The following FZD8 variants were observed in gnomAD, a reference collection of about 807,000 sequenced individuals.
FZD8 encodes the protein frizzled class receptor 8, also known as frizzled-8.
FZD8 carries 18 observed loss-of-function variants against 46.0 expected under a neutral mutation model. The ratio of observed to expected loss-of-function variants is 0.39; its 90% CI spans 0.27 to 0.58. The LOEUF is 0.58. Among genes scored for constraint, FZD8 ranks in the 20% least tolerant of loss-of-function variants. The pLI is 0.55. For missense variants in FZD8, 785 were observed against 983.4 expected (o/e 0.80, Z 2.70); for synonymous variants, 586 against 467.9 (o/e 1.25, Z -3.26).
Position 35,641,166 on chromosome 10 carries a change from C to A in FZD8, c.264G>T (p.Leu88=). 6.2e-7 allele frequency: 1 copy of A among 1,613,910 alleles called. No individual in the cohort carries two copies. The highest frequency in any genetic ancestry group is 8.5e-7 in the Non-Finnish European group (1 of 1,179,900). ...GGCAGATGGGCGTGTACATGCTGCACAGGAAGAACTTGAGATCGGGCGAGC... is the reference window on the plus strand; with the variant it reads ...GGCAGATGGGCGTGTACATGCTGCAAAGGAAGAACTTGAGATCGGGCGAGC... ...IQCSPDLKFF[L]CSMYTPICLE... Residue 88 remains leucine (L), a synonymous_variant, in exon 1 of 1, where the codon CTG becomes CTT. Coordinates refer to ENST00000374694, the MANE Select transcript of FZD8 (RefSeq NM_031866.3). This position sits in a 1 kb window ranked among gnomAD's most constrained non-coding sequence, Gnocchi z 6.3.
rs1835829677 is a variant in FZD8, at chr10:35,640,104, G to A, written c.1326C>T (p.His442=). The A allele has an allele frequency of 1.2e-6, 2 of 1,612,390 alleles. No homozygotes were observed. Among genetic ancestry groups the A allele is most frequent in the Admixed American group, 3.3e-5 (2 of 59,944 alleles). The change falls in exon 1 of 1, where the codon CAC becomes CAT. Residue 442 remains histidine (H), a synonymous_variant. Coordinates refer to ENST00000374694, the MANE Select transcript of FZD8 (RefSeq NM_031866.3). ...EAIAGYSQYF[H]LAAWLVPSVK... ...CGCTGGGCACAAGCCACGCGGCCAG[G>A]TGGAAGTACTGCGAGTAGCCGGCGA...
chr10:35,639,117 A>G lies in FZD8; in HGVS notation c.*228T>C. The G allele has an allele frequency of 5.6e-6, 1 of 179,508 alleles. No individual in the cohort carries two copies. Among genetic ancestry groups the G allele is most frequent in the East Asian group, 1.3e-4 (1 of 7,990 alleles). 11.1% of individuals were successfully genotyped at this position (179,508 alleles called of 1,614,324 possible). A position where few individuals can be genotyped will look rare whatever the true frequency, so the allele number is the denominator to read the frequency against. ...GCGTGGCGGGAGGAGCTCCCCGCAC[A>G]TCAATGGAGGAAAAGGGGCTGGGTC... On this transcript the variant is annotated 3_prime_UTR_variant, in exon 1 of 1. Transcript: ENST00000374694.
rs540410812 is a variant in FZD8 at position 35,640,862 on chromosome 10, G to T, written c.568C>A (p.Pro190Thr). 2.0e-6 allele frequency: 2 copies of T among 978,910 alleles called. No homozygotes were observed. The highest frequency in any genetic ancestry group is 4.6e-5 in the South Asian group (1 of 21,742). 60.6% of individuals were successfully genotyped at this position (978,910 alleles called of 1,614,324 possible). Residue 190 changes from proline (P) to threonine (T), a missense_variant, in exon 1 of 1, where the codon CCC (proline) becomes ACC (threonine). This residue lies in a region of FZD8 where 354 missense variants were observed against 433.2 expected (regional missense o/e 0.82). Coordinates refer to ENST00000374694, the MANE Select transcript of FZD8 (RefSeq NM_031866.3). ...CCCCTGCCGCCGCCGCGGTGCGGGG[G>T]CCTGGCCCCCGGCGGGCGGCCGTGG... Reference protein sequence around the residue: ...SGHGRPPGARPPHRGGGRGGG... With the variant: ...SGHGRPPGARTPHRGGGRGGG...
Position 35,639,630 on chromosome 10 carries a change from C to T in FZD8, c.1800G>A (p.Ser600=). 1.3e-6 allele frequency: 2 copies of T among 1,598,352 alleles called. No homozygotes were observed. Among genetic ancestry groups the T allele is most frequent in the South Asian group, 2.2e-5 (2 of 91,080 alleles). Residue 600 remains serine, a synonymous_variant, in exon 1 of 1, where the codon TCG becomes TCA. Coordinates refer to ENST00000374694, the MANE Select transcript of FZD8 (RefSeq NM_031866.3). ...TCTTGCCGGACCAGACCCACACGCC[C>T]GAGGTGATGCCCACCACTAGGCACA... is the stretch of plus-strand genomic sequence containing the variant. ...YFMCLVVGIT[S]GVWVWSGKTL... is the part of the protein sequence containing the mutation.
rs969183754 is a variant in FZD8, at chr10:35,641,695, C to T, written c.-266G>A. On this transcript the variant is annotated 5_prime_UTR_variant, in exon 1 of 1. Transcript: ENST00000374694. The surrounding 1 kb of genome is among the most constrained non-coding windows in gnomAD (Gnocchi z 6.3). ...GGCGGCTGCAGGCGCGCGCCACAGT[C>T]CGTAGGTCCGCTCTGCTGGCCCCGG... 4.9e-6 allele frequency: 2 copies of T among 408,422 alleles called. No homozygotes were observed. Among genetic ancestry groups the T allele is most frequent in the Non-Finnish European group, 8.8e-6 (2 of 228,298 alleles). 25.3% of individuals were successfully genotyped at this position (408,422 alleles called of 1,614,324 possible). A position where few individuals can be genotyped will look rare whatever the true frequency, so the allele number is the denominator to read the frequency against.
Position 35,641,184 on chromosome 10 carries a change from G to C in FZD8, c.246C>G (p.Pro82=), listed in dbSNP as rs1835854464. 2 of 1,613,912 alleles carry C rather than the reference G, an allele frequency of 1.2e-6. No homozygotes were observed. The highest frequency in any genetic ancestry group is 1.7e-6 in the Non-Finnish European group (2 of 1,179,858). Residue 82 remains proline, a synonymous_variant, in exon 1 of 1, where the codon CCC becomes CCG. Coordinates refer to ENST00000374694, the MANE Select transcript of FZD8 (RefSeq NM_031866.3). This position sits in a 1 kb window ranked among gnomAD's most constrained non-coding sequence, Gnocchi z 6.3. ...FWPLVEIQCS[P]DLKFFLCSMY... ...TGCTGCACAGGAAGAACTTGAGATC[G>C]GGCGAGCACTGGATCTCCACCAGCG... is the stretch of plus-strand genomic sequence containing the variant.
rs1286008018 is a variant in FZD8, at chr10:35,638,483, G to A, written c.*862C>T. 6.5e-6 allele frequency: 1 copy of A among 152,690 alleles called. No individual in the cohort carries two copies. Among genetic ancestry groups the A allele is most frequent in the Non-Finnish European group, 1.5e-5 (1 of 68,040 alleles). The allele number at this position is 152,690 out of a possible 1,614,324, so 9.5% of individuals were successfully genotyped here. On this transcript the variant is annotated 3_prime_UTR_variant, in exon 1 of 1. Coordinates refer to ENST00000374694, the MANE Select transcript of FZD8 (RefSeq NM_031866.3). Reference sequence around the variant, plus strand: ...CAACTTAAGAACTAGAGTTTAACAAGTAATTTTCTCCATGCCTAAGGTCAG... The same window carrying A: ...CAACTTAAGAACTAGAGTTTAACAAATAATTTTCTCCATGCCTAAGGTCAG...
At position 35,640,339 on chromosome 10, in the gene FZD8, C is replaced by CCCG. The variant is rs760114861; in HGVS notation, c.1088_1090dup (p.Ala363dup). 6 of 964,428 alleles carry CCCG rather than the reference C, an allele frequency of 6.2e-6. No homozygotes were observed. Among genetic ancestry groups the CCCG allele is most frequent in the Non-Finnish European group, 7.4e-6 (6 of 813,830 alleles). The allele number at this position is 964,428 out of a possible 1,614,324, so 59.7% of individuals were successfully genotyped here. Reference sequence around the variant, plus strand: ...CCCGCCCGGGCCGCCCGCGCCCGCGCCCGCCGCGCCCGCGCCCGCCGCCGC... The same window carrying CCCG: ...CCCGCCCGGGCCGCCCGCGCCCGCGCCCGCCGCCGCGCCCGCGCCCGCCGCCGC... On this transcript the variant is annotated inframe_insertion, in exon 1 of 1. Coordinates refer to ENST00000374694, the MANE Select transcript of FZD8 (RefSeq NM_031866.3).
Position 35,640,737 on chromosome 10 carries a change from C to G in FZD8, c.693G>C (p.Gly231=), listed in dbSNP as rs140457043. The part of the protein sequence containing the change: ...PGGGAAPCEP[G]CQCRAPMVSV... Reference sequence around the variant, plus strand: ...TCACCATAGGCGCGCGGCACTGGCACCCGGGCTCGCAGGGAGCCGCGCCGC... The same window carrying G: ...TCACCATAGGCGCGCGGCACTGGCAGCCGGGCTCGCAGGGAGCCGCGCCGC... The change falls in exon 1 of 1, where the codon GGG becomes GGC. Residue 231 remains glycine, a synonymous_variant. Transcript: ENST00000374694. 159 of 1,381,528 alleles carry G rather than the reference C, an allele frequency of 1.2e-4. No homozygotes were observed. The African/African-American group carries it at 2.1e-3, about 19-fold the overall frequency. The allele number at this position is 1,381,528 out of a possible 1,614,324, so 85.6% of individuals were successfully genotyped here.
chr10:35,640,413 C>A lies in FZD8; in HGVS notation c.1017G>T (p.Ala339=). 1 of 1,387,606 alleles carries A rather than the reference C, an allele frequency of 7.2e-7. No homozygotes were observed. Among genetic ancestry groups the A allele is most frequent in the Non-Finnish European group, 9.5e-7 (1 of 1,052,396 alleles). 86.0% of individuals were successfully genotyped at this position (1,387,606 alleles called of 1,614,324 possible). A position where few individuals can be genotyped will look rare whatever the true frequency, so the allele number is the denominator to read the frequency against. The change falls in exon 1 of 1, where the codon GCG becomes GCT. Residue 339 remains alanine (A), a synonymous_variant. Transcript: ENST00000374694. ...CCGCGCCCGGCGCGCCACCGCTGCA[C>A]GCCACCTTCTCGTGGCCCGCCACCA... ...VRLVAGHEKV[A]CSGGAPGAGG...
chr10:35,642,212 G>C lies in FZD8; in HGVS notation c.-783C>G, dbSNP rs1459953587. ...ACCGGAAGGCGGAGCGGACACCTGA[G>C]TGGCGCGGCCCGCGCCCAGCCGCCG... On this transcript the variant is annotated 5_prime_UTR_variant, in exon 1 of 1. Transcript: ENST00000374694. The C allele has an allele frequency of 2.0e-5, 3 of 152,476 alleles. No individual in the cohort carries two copies. Among genetic ancestry groups the C allele is most frequent in the Non-Finnish European group, 4.4e-5 (3 of 68,300 alleles). The allele number at this position is 152,476 out of a possible 1,614,324, so 9.4% of individuals were successfully genotyped here. A position where few individuals can be genotyped will look rare whatever the true frequency, so the allele number is the denominator to read the frequency against.
At position 35,639,895 on chromosome 10, in the gene FZD8, G is replaced by C. The variant is rs755453846; in HGVS notation, c.1535C>G (p.Ser512Trp). ...GGGGCCGTCCTGTTGCTTGATGACC[G>C]AGCGGATGCGGAAGAGGGACACGAA... ...AGFVSLFRIR[S>W]VIKQQDGPTK... Residue 512 changes from serine to tryptophan, a missense_variant, in exon 1 of 1, where the codon TCG becomes TGG. Ser to Trp is a radical substitution (Grantham distance 177). This residue lies in a region of FZD8 where 147 missense variants were observed against 242.5 expected (regional missense o/e 0.61). Coordinates refer to ENST00000374694, the MANE Select transcript of FZD8 (RefSeq NM_031866.3). 3.7e-6 allele frequency: 6 copies of C among 1,612,434 alleles called. No homozygotes were observed. Among genetic ancestry groups the C allele is most frequent in the Non-Finnish European group, 5.1e-6 (6 of 1,179,958 alleles).
rs547164495 is a variant in FZD8 at position 35,640,308 on chromosome 10, G to C, written c.1122C>G (p.Gly374=). 1 of 1,413,070 alleles carries C rather than the reference G, an allele frequency of 7.1e-7. No homozygotes were observed. Among genetic ancestry groups the C allele is most frequent in the Non-Finnish European group, 9.3e-7 (1 of 1,072,996 alleles). 87.5% of individuals were successfully genotyped at this position (1,413,070 alleles called of 1,614,324 possible). A position where few individuals can be genotyped will look rare whatever the true frequency, so the allele number is the denominator to read the frequency against. Residue 374 remains glycine (G), a synonymous_variant, in exon 1 of 1, where the codon GGC becomes GGG. Coordinates refer to ENST00000374694, the MANE Select transcript of FZD8 (RefSeq NM_031866.3). ...GAGAGGPGGR[G]EYEELGAVEQ... is the part of the protein sequence containing the mutation. ...CCACCGCGCCCAGCTCCTCGTACTC[G>C]CCGCGCCCGCCCGGGCCGCCCGCGC...
In FZD8 at chr10:35,640,440, G is replaced by C; in HGVS notation, c.990C>G (p.Arg330=). ...CCACCTTCTCGTGGCCCGCCACCAGGCGCACTAGGTAGCCCACCGACACGA... is the reference window on the plus strand; with the variant it reads ...CCACCTTCTCGTGGCCCGCCACCAGCCGCACTAGGTAGCCCACCGACACGA... The part of the protein sequence containing the change: ...YLFVSVGYLV[R]LVAGHEKVAC... Residue 330 remains arginine, a synonymous_variant, in exon 1 of 1, where the codon CGC becomes CGG. Transcript: ENST00000374694. 1 of 1,492,482 alleles carries C rather than the reference G, an allele frequency of 6.7e-7. No individual in the cohort carries two copies. Among genetic ancestry groups the C allele is most frequent in the Admixed American group, 2.0e-5 (1 of 50,110 alleles). 92.5% of individuals were successfully genotyped at this position (1,492,482 alleles called of 1,614,324 possible).
In FZD8 at chr10:35,641,341, G is replaced by A. The variant is rs755762525; in HGVS notation, c.89C>T (p.Ala30Val). Residue 30 changes from alanine (A) to valine (V), a missense_variant, in exon 1 of 1, where the codon GCC (alanine) becomes GTC (valine). Transcript: ENST00000374694. This position sits in a 1 kb window ranked among gnomAD's most constrained non-coding sequence, Gnocchi z 6.3. ...QRSSGAAAAS[A>V]KELACQEITV... Reference sequence around the variant, plus strand: ...GATCTCTTGGCATGCCAGCTCCTTGGCCGAGGCGGCCGCAGCGCCGCTAGA... The same window carrying A: ...GATCTCTTGGCATGCCAGCTCCTTGACCGAGGCGGCCGCAGCGCCGCTAGA... 2 of 1,613,704 alleles carry A rather than the reference G, an allele frequency of 1.2e-6. No homozygotes were observed. The highest frequency in any genetic ancestry group is 1.7e-6 in the Non-Finnish European group (2 of 1,179,888).
rs1288874712 is a variant in FZD8, at chr10:35,641,753, G to C, written c.-324C>G. ...TCAGCCCTCGCGGCGCAGAGCGGCC[G>C]GGCCTCGGCTCATCGTCCCGCGCTC... On this transcript the variant is annotated 5_prime_UTR_variant, in exon 1 of 1. Coordinates refer to ENST00000374694, the MANE Select transcript of FZD8 (RefSeq NM_031866.3). The surrounding 1 kb of genome is among the most constrained non-coding windows in gnomAD (Gnocchi z 6.3). The C allele has an allele frequency of 4.5e-6, 1 of 220,628 alleles. No individual in the cohort carries two copies. Among genetic ancestry groups the C allele is most frequent in the Non-Finnish European group, 8.8e-6 (1 of 114,094 alleles). 13.7% of individuals were successfully genotyped at this position (220,628 alleles called of 1,614,324 possible).
rs770898103 is a variant in FZD8 at position 35,641,256 on chromosome 10, G to A, written c.174C>T (p.Asn58=). The stretch of plus-strand genomic sequence containing the variant: ...GGCCCGCCTCGTCTTGCGTGTCGTG[G>A]TTGAACTGATTGGGCATGTAGGTGT... ...YNYTYMPNQF[N]HDTQDEAGLE... is the part of the protein sequence containing the mutation. Residue 58 remains asparagine, a synonymous_variant, in exon 1 of 1, where the codon AAC becomes AAT. Transcript: ENST00000374694. The surrounding 1 kb of genome is among the most constrained non-coding windows in gnomAD (Gnocchi z 6.3). 4.3e-6 allele frequency: 7 copies of A among 1,613,978 alleles called. No individual in the cohort carries two copies. In the African/African-American group the frequency reaches 9.3e-5, roughly 22 times the overall value.
Position 35,639,687 on chromosome 10 carries a change from G to A in FZD8, c.1743C>T (p.Pro581=), listed in dbSNP as rs370557580. ...ACTTGAGCATGAAGACGGCGTAGTC[G>A]GGCCTGCGTGCCTGGTCGGGCTGCA... ...RDLQPDQARR[P]DYAVFMLKYF... The change falls in exon 1 of 1, where the codon CCC becomes CCT. Residue 581 remains proline (P), a synonymous_variant. Transcript: ENST00000374694. 1.9e-6 allele frequency: 3 copies of A among 1,599,244 alleles called. No homozygotes were observed. Among genetic ancestry groups the A allele is most frequent in the Non-Finnish European group, 2.5e-6 (3 of 1,179,706 alleles).
In FZD8 at chr10:35,641,608, G is replaced by T; in HGVS notation, c.-179C>A. ...CCCTTCTAGGGGCGCGTCCGCAGCG[G>T]CGCGGCCCGCAGCCTGGGCAGGGCC... On this transcript the variant is annotated 5_prime_UTR_variant, in exon 1 of 1. Coordinates refer to ENST00000374694, the MANE Select transcript of FZD8 (RefSeq NM_031866.3). This position sits in a 1 kb window ranked among gnomAD's most constrained non-coding sequence, Gnocchi z 6.3. 1.2e-6 allele frequency: 1 copy of T among 802,254 alleles called. No individual in the cohort carries two copies. The highest frequency in any genetic ancestry group is 2.7e-5 in the East Asian group (1 of 36,488). The allele number at this position is 802,254 out of a possible 1,614,324, so 49.7% of individuals were successfully genotyped here. A position where few individuals can be genotyped will look rare whatever the true frequency, so the allele number is the denominator to read the frequency against.
Sources: allele counts gnomAD v4.1 joint callset, GRCh38; gene constraint gnomAD v4.1.1; regional missense constraint gnomAD v4.1.1; non-coding constraint Gnocchi (gnomAD v3.1); transcripts MANE v1.5; gene names NCBI Gene and HGNC (gene_info 2026-07-23, HGNC 2026-07-21).